The following CNTNAP2 variants were observed in gnomAD, a reference collection of about 807,000 sequenced individuals.
CNTNAP2 encodes the protein contactin-associated protein-like 2.
Under a neutral mutation model 155.2 loss-of-function variants are expected in CNTNAP2, and 98 were observed. That is an observed-to-expected ratio of 0.63 (90% CI 0.54 to 0.75). The LOEUF is 0.75. CNTNAP2 is among the 30% of genes least tolerant of loss of function. The probability of loss-of-function intolerance (pLI) is 0.00; values close to 1 mark genes in which losing one functional copy is unlikely to be tolerated. For synonymous variants in CNTNAP2, 651 were observed against 631.2 expected, an observed-to-expected ratio of 1.03 and a Z score of -0.47; for missense variants, 1,727 against 1,688.1, an observed-to-expected ratio of 1.02 and a Z score of -0.40.
intron 1 of CNTNAP2, among the ~76,000 whole-genome samples, chr7:146,608,879 C>T (rs1799089681): frequency 6.6e-6 from 1 of 152,054 alleles, no homozygotes; most frequent in South Asian, 2.1e-4. Flanking sequence ...ATACCTCTTA[C>T]TTTCTCCTAA....
At chr7:146,345,339 A>G (rs1794802843) in intron 1 of CNTNAP2, among the ~76,000 whole-genome samples, 1 of 152,180 alleles carries the variant, frequency 6.6e-6, no homozygotes. Context: ...AACCCAAACA[A>G]AGAGATTGTT....
Position 146,490,972 on chromosome 7 carries a change from A to G in CNTNAP2, c.98-283299A>G, listed in dbSNP as rs114847665. ...TTATACCAATGGAAAAATATGCTATATGTATTTGTAGATATTTATCTATAA... is the reference window on the plus strand; with the variant it reads ...TTATACCAATGGAAAAATATGCTATGTGTATTTGTAGATATTTATCTATAA... On this transcript the variant is annotated intron_variant, in intron 1 of 23. Transcript: ENST00000361727. Among the ~76,000 whole-genome samples, 255 of 152,276 alleles carry G rather than the reference A, an allele frequency of 1.7e-3. 1 individual carries two copies. Among genetic ancestry groups the G allele is most frequent in the African/African-American group, 5.9e-3 (244 of 41,578 alleles).
At chr7:146,839,479 C>T (rs1803677864) in intron 2 of CNTNAP2, among the ~76,000 whole-genome samples, 1 of 151,924 alleles carries the variant, frequency 6.6e-6, no homozygotes, top group Non-Finnish European at 1.5e-5. Flanking sequence ...AAGACATTTG[C>T]TCAGGAGAAA....
At chr7:148,172,129 A>C in intron 17 of CNTNAP2, 113 bp from the exon 18 acceptor site, 1 of 1,041,334 alleles carries the variant, frequency 9.6e-7, no homozygotes, top group Non-Finnish European at 1.5e-6. Context: ...TGATAGTGAC[A>C]ATACTAGATG....
chr7:146,146,586 G>T (rs1170478901), intron 1 of CNTNAP2, among the ~76,000 whole-genome samples: 1 of 151,944 alleles, frequency 6.6e-6, no homozygotes, highest in African/African-American at 2.4e-5. Flanking sequence ...ATATGCGTTT[G>T]TCTTTGAGAA....
intron 10 of CNTNAP2, among the ~76,000 whole-genome samples, chr7:147,427,800 C>T (rs931946369): frequency 6.6e-6 from 1 of 152,106 alleles, no homozygotes; most frequent in African/African-American, 2.4e-5. Context: ...GGCAATCAAC[C>T]TTTATCTTTT....
chr7:146,721,632 C>CTA (rs1323836777), intron 1 of CNTNAP2, among the ~76,000 whole-genome samples: 24 of 111,660 alleles, frequency 2.1e-4, no homozygotes, highest in African/African-American at 7.3e-4. Flanking sequence ...TATATACATT[C>CTA]TATATATATT....
chr7:147,571,965 A>G (rs1053017806), intron 12 of CNTNAP2, among the ~76,000 whole-genome samples: 4 of 152,214 alleles, frequency 2.6e-5, no homozygotes, highest in Admixed American at 2.6e-4. Context: ...GACCTCTCAC[A>G]GGCTGTCTTT....
chr7:147,345,165 C>T (rs1390924239), intron 9 of CNTNAP2, among the ~76,000 whole-genome samples: 1 of 152,010 alleles, frequency 6.6e-6, no homozygotes, highest in East Asian at 1.9e-4. Context: ...CATATTTACG[C>T]TGAATTATAA....
chr7:147,985,203 CCT>C (rs1487399541), intron 15 of CNTNAP2, among the ~76,000 whole-genome samples: 1 of 151,688 alleles, frequency 6.6e-6, no homozygotes, highest in Non-Finnish European at 1.5e-5. Flanking sequence ...CTGGTAATCC[CCT>C]CAACAGAATT....
At chr7:148,293,222 A>G (rs1797222153) in intron 21 of CNTNAP2, among the ~76,000 whole-genome samples, 1 of 152,096 alleles carries the variant, frequency 6.6e-6, no homozygotes, top group Non-Finnish European at 1.5e-5. Flanking sequence ...CACAAACACA[A>G]GCATGGTATT....
intron 3 of CNTNAP2, among the ~76,000 whole-genome samples, chr7:147,038,411 A>C (rs1011297936): frequency 4.6e-5 from 7 of 152,202 alleles, no homozygotes; most frequent in Admixed American, 1.3e-4. Flanking sequence ...ATGTTATTTC[A>C]GTTGCTCAGA....
intron 3 of CNTNAP2, among the ~76,000 whole-genome samples, chr7:146,902,961 A>T (rs1037939624): frequency 1.3e-5 from 2 of 152,218 alleles, no homozygotes; most frequent in African/African-American, 4.8e-5. Context: ...GACTGGTCAG[A>T]ACTACTCGAG....
intron 13 of CNTNAP2, among the ~76,000 whole-genome samples, chr7:147,883,702 G>C (rs1230784300): frequency 6.6e-6 from 1 of 152,020 alleles, no homozygotes; most frequent in Non-Finnish European, 1.5e-5. Context: ...AAAATACACC[G>C]AAACACCAGA....
At chr7:147,519,215 G>T (rs1799186772) in intron 11 of CNTNAP2, among the ~76,000 whole-genome samples, 1 of 152,046 alleles carries the variant, frequency 6.6e-6, no homozygotes. Context: ...AGACAATCTG[G>T]TCCATTCTTT....
At chr7:148,050,217 C>G (rs1282162228) in intron 15 of CNTNAP2, among the ~76,000 whole-genome samples, 1 of 152,142 alleles carries the variant, frequency 6.6e-6, no homozygotes, top group Non-Finnish European at 1.5e-5. Flanking sequence ...GGAGGGATTC[C>G]AGAAGAAGGC....
At chr7:148,076,720 G>C (rs1476656753) in intron 15 of CNTNAP2, among the ~76,000 whole-genome samples, 2 of 152,000 alleles carry the variant, frequency 1.3e-5, no homozygotes, top group Non-Finnish European at 2.9e-5. Context: ...TGGGATTACA[G>C]GTGTGAGCCA....
At chr7:146,449,789 T>G (rs80349269) in intron 1 of CNTNAP2, among the ~76,000 whole-genome samples, 4,712 of 152,296 alleles carry the variant, frequency 0.031, 189 homozygotes, top group African/African-American at 0.088. Context: ...CAAGCTTTAG[T>G]TGACAGTCGT....
At chr7:148,353,143 G>A (rs1162011138) in intron 21 of CNTNAP2, among the ~76,000 whole-genome samples, 1 of 152,224 alleles carries the variant, frequency 6.6e-6, no homozygotes, top group Non-Finnish European at 1.5e-5. Context: ...CAACAGGCGG[G>A]GCCCCGGCAA....
Sources: gnomAD v4.1 joint callset for allele counts (sites outside exome capture counted in the v4.1 genomes callset) on GRCh38, gnomAD v4.1.1 for gene constraint, MANE v1.5 for transcripts, NCBI Gene and HGNC (gene_info 2026-07-23, HGNC 2026-07-21) for gene names.